Variants in PMS1 observed in about 807,000 individuals in gnomAD.
PMS1 encodes the protein PMS1 homolog 1, mismatch repair system component, also known as PMS1 protein homolog 1.
Under a neutral mutation model 93.1 loss-of-function variants are expected in PMS1, and 79 were observed. That is an observed-to-expected ratio of 0.85 (90% confidence interval 0.71 to 1.02). The LOEUF (loss-of-function observed/expected upper bound fraction) is 1.02, where lower values mean the gene tolerates loss of function less well. PMS1 is among the 50% of genes least tolerant of loss of function. The pLI is 0.00. For missense variants in PMS1, 1,064 were observed against 1,085.3 expected (o/e 0.98, Z 0.28); for synonymous variants, 335 against 363.4 (o/e 0.92, Z 0.89).
At chr2:189,860,034 C>G (rs1049998170) in intron 9 of PMS1, among the ~76,000 whole-genome samples, 110 of 152,240 alleles carry the variant, frequency 7.2e-4, no homozygotes, top group African/African-American at 2.6e-3. Flanking sequence ...TTCATCCTCT[C>G]TTTTTCTGAT....
At chr2:189,828,499 C>T (rs1458117100) in intron 5 of PMS1, among the ~76,000 whole-genome samples, 1 of 152,174 alleles carries the variant, frequency 6.6e-6, no homozygotes, top group Non-Finnish European at 1.5e-5. Flanking sequence ...GCAGAGTTCA[C>T]TGGTAAATAC....
At chr2:189,871,484 A>G (rs1359080457) in intron 11 of PMS1, among the ~76,000 whole-genome samples, 3 of 152,198 alleles carry the variant, frequency 2.0e-5, no homozygotes, top group Non-Finnish European at 4.4e-5. Context: ...GGGGACATAA[A>G]AAGGATGACC....
At chr2:189,864,982 ATTT>A (rs2056514459) in intron 10 of PMS1, among the ~76,000 whole-genome samples, 1 of 151,490 alleles carries the variant, frequency 6.6e-6, no homozygotes, top group African/African-American at 2.4e-5. Context: ...ACTTTGCCAC[ATTT>A]GCTTTACCTT....
intron 12 of PMS1, among the ~76,000 whole-genome samples, chr2:189,876,876 G>T (rs555542337): frequency 6.7e-6 from 1 of 149,992 alleles, no homozygotes; most frequent in African/African-American, 2.5e-5. Flanking sequence ...CTCCCAAAGT[G>T]TTGAGATTAC....
chr2:189,854,718 G>A lies in PMS1; in HGVS notation c.1446G>A (p.Glu482=). The change falls in exon 9 of 13, where the codon GAG becomes GAA. Residue 482 remains glutamate (E), a synonymous_variant. Transcript: ENST00000441310. ...KDHIDESGEN[E]EEAGLENSSE... ...ATATAGATGAGAGTGGGGAAAATGA[G>A]GAAGAAGCAGGTCTTGAAAACTCTT... 6.2e-7 allele frequency: 1 copy of A among 1,613,892 alleles called. No individual in the cohort carries two copies. The highest frequency in any genetic ancestry group is 8.5e-7 in the Non-Finnish European group (1 of 1,179,878).
At chr2:189,838,011 T>G (rs2053531307) in intron 5 of PMS1, among the ~76,000 whole-genome samples, 1 of 152,186 alleles carries the variant, frequency 6.6e-6, no homozygotes, top group Non-Finnish European at 1.5e-5. Context: ...TGAAAAGGGA[T>G]AGGAGTCACT....
intron 6 of PMS1, 37 bp downstream of exon 6, chr2:189,844,117 A>G: frequency 1.9e-6 from 3 of 1,611,076 alleles, no homozygotes; most frequent in Non-Finnish European, 1.7e-6. Context: ...ATTCTGATTT[A>G]CTCATGAAGC....
chr2:189,814,949 A>T (rs367605145), intron 4 of PMS1, among the ~76,000 whole-genome samples: 11 of 152,202 alleles, frequency 7.2e-5, no homozygotes, highest in African/African-American at 2.6e-4. Flanking sequence ...AATACAAAAA[A>T]TTAGCCAGGC....
At chr2:189,796,068 C>A in intron 3 of PMS1, 117 bp downstream of exon 3, 1 of 851,524 alleles carries the variant, frequency 1.2e-6, no homozygotes, top group Non-Finnish European at 2.0e-6. Context: ...GTAAAATATA[C>A]ATAACATAAG....
chr2:189,843,049 G>A (rs936243673), intron 5 of PMS1, among the ~76,000 whole-genome samples: 11 of 149,226 alleles, frequency 7.4e-5, no homozygotes, highest in South Asian at 2.1e-4. Context: ...ACAGAGTCAC[G>A]CTCTGTCACC....
At chr2:189,791,652 G>GT (rs1446625577) in intron 1 of PMS1, 138 bp from the exon 2 acceptor site, 2 of 621,218 alleles carry the variant, frequency 3.2e-6, no homozygotes, top group Non-Finnish European at 5.7e-6. Flanking sequence ...ACTTAATATT[G>GT]TATGTGCTAA....
At chr2:189,810,209 G>A (rs889627079) in intron 4 of PMS1, among the ~76,000 whole-genome samples, 2 of 152,174 alleles carry the variant, frequency 1.3e-5, no homozygotes, top group African/African-American at 2.4e-5. Flanking sequence ...AAGACATGGA[G>A]TGTAACCTTT....
intron 8 of PMS1, 39 bp from the exon 9 acceptor site, chr2:189,854,200 T>G: frequency 6.7e-7 from 1 of 1,491,058 alleles, no homozygotes; most frequent in Non-Finnish European, 9.2e-7. Flanking sequence ...TCTATTATTT[T>G]CATAATTTCC....
chr2:189,822,265 G>T (rs1021824719), intron 5 of PMS1, among the ~76,000 whole-genome samples: 2 of 152,216 alleles, frequency 1.3e-5, no homozygotes, highest in African/African-American at 4.8e-5. Flanking sequence ...AGCACCGACT[G>T]CGGGGCCTCT....
chr2:189,839,111 C>A (rs1339247386), intron 5 of PMS1, among the ~76,000 whole-genome samples: 2 of 152,052 alleles, frequency 1.3e-5, no homozygotes, highest in African/African-American at 4.8e-5. Flanking sequence ...CATGCCTTAG[C>A]CTCCCAAGTA....
At chr2:189,821,874 T>C (rs1177631230) in intron 5 of PMS1, among the ~76,000 whole-genome samples, 1 of 152,192 alleles carries the variant, frequency 6.6e-6, no homozygotes, top group Non-Finnish European at 1.5e-5. Flanking sequence ...AAAATGAATA[T>C]ATTAGAAATA....
At chr2:189,832,894 C>T (rs1294139668) in intron 5 of PMS1, among the ~76,000 whole-genome samples, 1 of 152,084 alleles carries the variant, frequency 6.6e-6, no homozygotes, top group East Asian at 1.9e-4. Context: ...ATTCCTAAAT[C>T]ATTTTATTAT....
intron 4 of PMS1, among the ~76,000 whole-genome samples, chr2:189,815,711 C>A (rs79562410): frequency 0.025 from 3,771 of 152,254 alleles, 182 homozygotes; most frequent in African/African-American, 0.086. Context: ...CGGACTAATA[C>A]AGTTACTGAT....
At chr2:189,852,885 T>C (rs1279145875) in intron 7 of PMS1, 108 bp downstream of exon 7, 10 of 747,454 alleles carry the variant, frequency 1.3e-5, no homozygotes, top group Non-Finnish European at 2.3e-5. Flanking sequence ...AAATACAATG[T>C]CATTTATTAA....
Sources: gnomAD v4.1 joint callset for allele counts (sites outside exome capture counted in the v4.1 genomes callset) on GRCh38, gnomAD v4.1.1 for gene constraint, MANE v1.5 for transcripts, NCBI Gene and HGNC (gene_info 2026-07-23, HGNC 2026-07-21) for gene names.